LUZP2: variants seen among roughly 807,000 people sequenced by gnomAD.
LUZP2 encodes the protein leucine zipper protein 2.
LUZP2 carries 52 observed loss-of-function variants against 51.6 expected under a neutral mutation model. That is an observed-to-expected ratio of 1.01 (90% CI 0.81 to 1.27). The LOEUF is 1.27. Ranked by LOEUF, LUZP2 falls within the 50% of genes most tolerant of loss-of-function variation. The pLI is 0.00. For missense variants in LUZP2, 436 were observed against 395.4 expected (o/e 1.10, Z -0.87); for synonymous variants, 154 against 137.3 (o/e 1.12, Z -0.85).
chr11:24,606,664 G>A (rs1039933344), intron 1 of LUZP2, among the ~76,000 whole-genome samples: 1 of 151,890 alleles, frequency 6.6e-6, no homozygotes, highest in Non-Finnish European at 1.5e-5. Flanking sequence ...TTGTATGTAT[G>A]CCCAGAAGTA....
chr11:24,752,907 C>A (rs1479917108), intron 4 of LUZP2, among the ~76,000 whole-genome samples: 1 of 151,684 alleles, frequency 6.6e-6, no homozygotes, highest in Non-Finnish European at 1.5e-5. Context: ...AAAATATATA[C>A]AAATGTTCTA....
At chr11:24,808,190 G>T (rs12289355) in intron 5 of LUZP2, among the ~76,000 whole-genome samples, 2,539 of 152,260 alleles carry the variant, frequency 0.017, 73 homozygotes, top group African/African-American at 0.058. Flanking sequence ...AATAATTAAT[G>T]TAAGCGGATG....
chr11:24,628,195 A>G (rs1360802023), intron 1 of LUZP2, among the ~76,000 whole-genome samples: 1 of 136,222 alleles, frequency 7.3e-6, no homozygotes, highest in Non-Finnish European at 1.6e-5. Context: ...ACACACGCAC[A>G]CACACACACC....
intron 1 of LUZP2, chr11:24,646,498 T>C: frequency 1.5e-6 from 1 of 658,078 alleles, no homozygotes; most frequent in Non-Finnish European, 1.9e-6. Flanking sequence ...TGCTTTACCT[T>C]ATTGGAATTT....
rs1442510220 is a variant in LUZP2, at chr11:24,602,118, GTATATA to G, written c.62+104815_62+104820del. Reference sequence around the variant, plus strand: ...TATATATGTGTATATGTGTATATATGTATATATGTATATGTGTATATATGTATATAT... The same window carrying G: ...TATATATGTGTATATGTGTATATATGTGTATATGTGTATATATGTATATAT... On this transcript the variant is annotated intron_variant, in intron 1 of 11. Transcript: ENST00000336930. Among the ~76,000 whole-genome samples the G allele has an allele frequency of 1.7e-3, 219 of 129,410 alleles. 17 individuals carry two copies. The highest frequency in any genetic ancestry group is 6.3e-3 in the African/African-American group (199 of 31,500). The allele number at this position is 129,410 out of a possible 152,430, so 84.9% of individuals were successfully genotyped here. A position where few individuals can be genotyped will look rare whatever the true frequency, so the allele number is the denominator to read the frequency against.
chr11:24,580,057 T>G (rs1184310531), intron 1 of LUZP2, among the ~76,000 whole-genome samples: 1 of 152,090 alleles, frequency 6.6e-6, no homozygotes, highest in Non-Finnish European at 1.5e-5. Context: ...ATATCCAGGT[T>G]TTTTTATGAT....
intron 5 of LUZP2, among the ~76,000 whole-genome samples, chr11:24,768,147 T>C (rs1860266661): frequency 6.6e-6 from 1 of 151,708 alleles, no homozygotes; most frequent in African/African-American, 2.4e-5. Flanking sequence ...TTTTTTTCCT[T>C]TTTTGATACA....
intron 7 of LUZP2, among the ~76,000 whole-genome samples, chr11:24,951,849 C>A (rs1003126347): frequency 3.3e-5 from 5 of 151,626 alleles, no homozygotes; most frequent in African/African-American, 9.7e-5. Flanking sequence ...AGCACATATT[C>A]TATTTACAAT....
At chr11:24,880,724 C>G (rs1590681778) in intron 5 of LUZP2, among the ~76,000 whole-genome samples, 2 of 151,396 alleles carry the variant, frequency 1.3e-5, no homozygotes, top group Non-Finnish European at 2.9e-5. Flanking sequence ...TTATAAATTT[C>G]TAGATGGTGA....
At chr11:24,537,499 A>G (rs770067707) in intron 1 of LUZP2, among the ~76,000 whole-genome samples, 9 of 151,888 alleles carry the variant, frequency 5.9e-5, no homozygotes, top group Non-Finnish European at 1.3e-4. Flanking sequence ...TATATAATGA[A>G]CTGAATTCAA....
At chr11:24,743,917 G>A (rs1859279253) in intron 4 of LUZP2, among the ~76,000 whole-genome samples, 1 of 151,864 alleles carries the variant, frequency 6.6e-6, no homozygotes, top group African/African-American at 2.4e-5. Flanking sequence ...CTGGGTTTTG[G>A]AGAATGCTTG....
intron 1 of LUZP2, among the ~76,000 whole-genome samples, chr11:24,587,301 A>G (rs1853100991): frequency 1.3e-5 from 2 of 152,182 alleles, no homozygotes; most frequent in African/African-American, 4.8e-5. Context: ...TTGGGATTGT[A>G]CAAAGGAGAA....
At chr11:24,804,518 G>A (rs983974554) in intron 5 of LUZP2, among the ~76,000 whole-genome samples, 2 of 152,100 alleles carry the variant, frequency 1.3e-5, no homozygotes, top group Non-Finnish European at 2.9e-5. Flanking sequence ...GGACAGCCCT[G>A]CAGAAGTATG....
At position 24,560,321 on chromosome 11, in the gene LUZP2, T is replaced by A. The variant is rs185651057; in HGVS notation, c.62+63016T>A. Among the ~76,000 whole-genome samples the A allele has an allele frequency of 2.7e-4, 41 of 152,266 alleles. No homozygotes were observed. In the East Asian group the frequency reaches 7.5e-3, roughly 28 times the overall value. ...AATAAGCAAAATTTCTGATTATGAT[T>A]CTACTTTTAAAACATATTGTATAAA... On this transcript the variant is annotated intron_variant, in intron 1 of 11. Transcript: ENST00000336930.
rs369553559 is a variant in LUZP2, at chr11:24,671,304, A to G, written c.63-57865A>G. Among the ~76,000 whole-genome samples, 13 of 151,904 alleles carry G rather than the reference A, an allele frequency of 8.6e-5. No individual in the cohort carries two copies. In the East Asian group the frequency reaches 1.2e-3, roughly 14 times the overall value. On this transcript the variant is annotated intron_variant, in intron 1 of 11. Transcript: ENST00000336930. ...GCAGTTTTTTGTAAATTTTATCTGA[A>G]GTTTTTCTCCTTGAACTGAAAATAT...
At chr11:24,607,988 A>G (rs532928189) in intron 1 of LUZP2, among the ~76,000 whole-genome samples, 4 of 152,074 alleles carry the variant, frequency 2.6e-5, no homozygotes, top group African/African-American at 7.2e-5. Flanking sequence ...AGCTGGGACT[A>G]CAGATGTCCG....
intron 5 of LUZP2, among the ~76,000 whole-genome samples, chr11:24,781,166 C>T (rs1485724101): frequency 6.6e-6 from 1 of 152,022 alleles, no homozygotes; most frequent in Admixed American, 6.6e-5. Flanking sequence ...TTTCATTATA[C>T]TTTAAGTTCT....
chr11:24,737,202 G>A (rs1311357245), intron 3 of LUZP2, among the ~76,000 whole-genome samples: 1 of 151,996 alleles, frequency 6.6e-6, no homozygotes, highest in Non-Finnish European at 1.5e-5. Flanking sequence ...CTTACGTTCT[G>A]TCGTCTTAAT....
chr11:24,615,278 T>C (rs1169645995), intron 1 of LUZP2, among the ~76,000 whole-genome samples: 2 of 151,952 alleles, frequency 1.3e-5, no homozygotes, highest in Admixed American at 1.3e-4. Flanking sequence ...TGATCCTTTT[T>C]GCTTTTTTAT....
Sources: gnomAD v4.1 joint callset for allele counts (sites outside exome capture counted in the v4.1 genomes callset) on GRCh38, gnomAD v4.1.1 for gene constraint, MANE v1.5 for transcripts, NCBI Gene and HGNC (gene_info 2026-07-23, HGNC 2026-07-21) for gene names.